CADM2: variants seen among roughly 807,000 people sequenced by gnomAD.
CADM2 encodes the protein cell adhesion molecule 2, also known as immunoglobulin superfamily member 4D.
Under a neutral mutation model 49.8 loss-of-function variants are expected in CADM2, and 12 were observed. The observed-to-expected ratio is 0.24, with a 90% confidence interval of 0.15 to 0.39. The LOEUF is 0.39. Ranked by LOEUF, CADM2 falls within the 10% of genes least tolerant of loss-of-function variation. The pLI, the probability that CADM2 is intolerant of heterozygous loss-of-function variation, is 1.00. For synonymous variants in CADM2, 214 were observed against 175.4 expected, an observed-to-expected ratio of 1.22 and a Z score of -1.74; for missense variants, 378 against 492.3, an observed-to-expected ratio of 0.77 and a Z score of 2.20.
intron 8 of CADM2, among the ~76,000 whole-genome samples, chr3:86,002,578 T>G (rs565329751): frequency 6.6e-6 from 1 of 152,282 alleles, no homozygotes; most frequent in African/African-American, 2.4e-5. Context: ...AGTCTGCACA[T>G]CAGGCTTACC....
chr3:85,346,432 TA>T (rs1299231927), intron 1 of CADM2, among the ~76,000 whole-genome samples: 2 of 152,164 alleles, frequency 1.3e-5, no homozygotes, highest in Admixed American at 6.5e-5. Flanking sequence ...AAAACACAGA[TA>T]TTTTTCAAAA....
chr3:85,383,502 C>CAATATATA (rs1559811869), intron 1 of CADM2, among the ~76,000 whole-genome samples: 3 of 97,060 alleles, frequency 3.1e-5, no homozygotes, highest in East Asian at 2.7e-4. Flanking sequence ...ATACATAAAA[C>CAATATATA]CATATATATA....
At chr3:85,373,869 A>G (rs896854104) in intron 1 of CADM2, among the ~76,000 whole-genome samples, 2 of 152,150 alleles carry the variant, frequency 1.3e-5, no homozygotes, top group Non-Finnish European at 2.9e-5. Flanking sequence ...CAGACTGTAC[A>G]AAGCAGCAAT....
At chr3:85,347,628 T>TACATATATATAA (rs1397084455) in intron 1 of CADM2, among the ~76,000 whole-genome samples, 1 of 142,372 alleles carries the variant, frequency 7.0e-6, no homozygotes, top group African/African-American at 2.6e-5. Flanking sequence ...TACATATATA[T>TACATATATATAA]AAATATATAT....
At chr3:85,934,902 A>C (rs1031131525) in intron 6 of CADM2, among the ~76,000 whole-genome samples, 14 of 152,012 alleles carry the variant, frequency 9.2e-5, no homozygotes, top group African/African-American at 3.4e-4. Flanking sequence ...TGAAGATAAG[A>C]GGAGAAGACA....
chr3:85,716,099 T>C (rs986756842), intron 1 of CADM2, among the ~76,000 whole-genome samples: 1 of 152,226 alleles, frequency 6.6e-6, no homozygotes, highest in Non-Finnish European at 1.5e-5. Flanking sequence ...CCACAATGTT[T>C]GAACTAATTT....
intron 6 of CADM2, among the ~76,000 whole-genome samples, chr3:85,929,648 A>G (rs946574252): frequency 6.6e-6 from 1 of 152,050 alleles, no homozygotes; most frequent in Admixed American, 6.5e-5. Flanking sequence ...AATAGAGAGA[A>G]ATATGTTTAC....
chr3:85,748,070 A>T (rs961200586), intron 2 of CADM2, among the ~76,000 whole-genome samples: 30 of 152,220 alleles, frequency 2.0e-4, no homozygotes, highest in African/African-American at 7.2e-4. Flanking sequence ...ATATGTTTTT[A>T]AAAATGCATG....
At chr3:85,212,890 T>TCTCTCTCTC in intron 1 of CADM2, among the ~76,000 whole-genome samples, 1 of 86,958 alleles carries the variant, frequency 1.1e-5, no homozygotes, top group South Asian at 3.6e-4. Flanking sequence ...TTCTTTCTCT[T>TCTCTCTCTC]TCTTTCTTTT....
At chr3:85,267,753 A>C (rs1191515199) in intron 1 of CADM2, among the ~76,000 whole-genome samples, 1 of 151,584 alleles carries the variant, frequency 6.6e-6, no homozygotes, top group East Asian at 1.9e-4. Context: ...CTGACCCTAG[A>C]GTTTATTAGT....
At chr3:85,849,748 T>G (rs754031834) in intron 3 of CADM2, among the ~76,000 whole-genome samples, 4 of 152,172 alleles carry the variant, frequency 2.6e-5, no homozygotes, top group Non-Finnish European at 5.9e-5. Flanking sequence ...TGGAATATTT[T>G]GGGGCTTGAC....
intron 7 of CADM2, among the ~76,000 whole-genome samples, chr3:85,946,012 T>C (rs1441807174): frequency 6.6e-6 from 1 of 152,130 alleles, no homozygotes; most frequent in Non-Finnish European, 1.5e-5. Context: ...GACGACATGA[T>C]TGTATATCTA....
chr3:85,550,853 T>C (rs2061784681), intron 1 of CADM2, among the ~76,000 whole-genome samples: 2 of 152,218 alleles, frequency 1.3e-5, no homozygotes, highest in South Asian at 4.1e-4. Context: ...CAGTCCTTAA[T>C]GGTCAAATCA....
chr3:85,651,114 A>G (rs1383340914), intron 1 of CADM2, among the ~76,000 whole-genome samples: 1 of 152,004 alleles, frequency 6.6e-6, no homozygotes, highest in Non-Finnish European at 1.5e-5. Flanking sequence ...TACAACATAA[A>G]TAAAATTTAT....
chr3:85,720,206 A>AT (rs990133277), intron 1 of CADM2, among the ~76,000 whole-genome samples: 8 of 151,766 alleles, frequency 5.3e-5, no homozygotes, highest in South Asian at 2.1e-4. Context: ...TCATTTGACT[A>AT]TTTTTTTTGT....
intron 8 of CADM2, among the ~76,000 whole-genome samples, chr3:85,990,013 C>CAAAAAAAAAAAAAAAAAAAAAAAA (rs58178176): frequency 3.1e-4 from 3 of 9,638 alleles, no homozygotes; most frequent in African/African-American, 7.9e-4. Context: ...ACTCCATGTC[C>CAAAAAAAAAAAAAAAAAAAAAAAA]AAAAAAAAAA....
intron 1 of CADM2, among the ~76,000 whole-genome samples, chr3:85,012,720 A>G (rs1257398045): frequency 6.6e-6 from 1 of 151,136 alleles, no homozygotes; most frequent in African/African-American, 2.4e-5. Flanking sequence ...ATAGGAAAAT[A>G]ACAATATTAT....
intron 1 of CADM2, among the ~76,000 whole-genome samples, chr3:85,292,719 T>A (rs1047507620): frequency 3.3e-5 from 5 of 152,042 alleles, no homozygotes; most frequent in Non-Finnish European, 7.4e-5. Flanking sequence ...AAGGCAGAAA[T>A]AAAGATGTTC....
intron 1 of CADM2, among the ~76,000 whole-genome samples, chr3:85,272,886 A>G (rs569564215): frequency 6.6e-6 from 1 of 151,430 alleles, no homozygotes; most frequent in South Asian, 2.1e-4. Flanking sequence ...CAGTAAGGAA[A>G]GACAGACACT....
Sources: gnomAD v4.1 joint callset for allele counts (sites outside exome capture counted in the v4.1 genomes callset) on GRCh38, gnomAD v4.1.1 for gene constraint, MANE v1.5 for transcripts, NCBI Gene and HGNC (gene_info 2026-07-23, HGNC 2026-07-21) for gene names.